The following SIRT4 variants were observed in gnomAD, a reference collection of about 807,000 sequenced individuals.
The protein encoded by SIRT4 is NAD-dependent protein lipoamidase sirtuin-4, mitochondrial.
Under a neutral mutation model 26.1 loss-of-function variants are expected in SIRT4, and 23 were observed. That is an observed-to-expected ratio of 0.88 (90% CI 0.63 to 1.25). SIRT4 has a LOEUF of 1.25. SIRT4 is among the 50% of genes most tolerant of loss of function. SIRT4 has a pLI of 0.00. For missense variants in SIRT4, 361 were observed against 405.4 expected (o/e 0.89, Z 0.94); for synonymous variants, 155 against 158.4 (o/e 0.98, Z 0.16).
upstream of SIRT4, among the ~76,000 whole-genome samples, chr12:120,301,134 C>T (rs1872527279): frequency 6.6e-6 from 1 of 152,122 alleles, no homozygotes; most frequent in South Asian, 2.1e-4. Context: ...ATCACGAGGT[C>T]AGGAGATCAA....
At chr12:120,301,177 T>G (rs950804318), upstream of SIRT4, among the ~76,000 whole-genome samples, 2 of 151,996 alleles carry the variant, frequency 1.3e-5, no homozygotes, top group Non-Finnish European at 2.9e-5. Context: ...AAACCTTGTC[T>G]CTACTAAAAA....
upstream of SIRT4, among the ~76,000 whole-genome samples, chr12:120,299,119 GCTGAGGCAGGA>G (rs1244783951): frequency 2.0e-5 from 3 of 149,538 alleles, no homozygotes; most frequent in Non-Finnish European, 4.4e-5. Flanking sequence ...TAGTCCGGAG[GCTGAGGCAGGA>G]GAATCGCGTG....
At chr12:120,296,060 C>G in the SIRT4 span, among the ~76,000 whole-genome samples, 2 of 108,044 alleles carry the variant, frequency 1.9e-5, no homozygotes, top group East Asian at 6.6e-4. Context: ...GTAATCCAGC[C>G]TGGGTGACAA....
chr12:120,292,986 C>T, the SIRT4 span: 5 of 152,190 alleles, frequency 3.3e-5, no homozygotes, highest in Middle Eastern at 3.4e-3. Context: ...TAAGACACTT[C>T]CCCATCTCTC....
upstream of SIRT4, among the ~76,000 whole-genome samples, chr12:120,297,986 G>C (rs1872393144): frequency 6.6e-6 from 1 of 151,814 alleles, no homozygotes; most frequent in Non-Finnish European, 1.5e-5. Context: ...AGAAAGGGCT[G>C]TCAGTGGCTG....
chr12:120,304,821 ATATATATATATATATTTTTTTTTTTT>A (rs1480634366), intron 2 of SIRT4, among the ~76,000 whole-genome samples: 42 of 7,044 alleles, frequency 6.0e-3, no homozygotes, highest in Non-Finnish European at 5.7e-3. Flanking sequence ...ATATATATAT[ATATATATATATATATTTTTTTTTTTT>A]TTTTTTTTTT....
chr12:120,304,847 T>A (rs1485328330), intron 2 of SIRT4, among the ~76,000 whole-genome samples: 148 of 112,408 alleles, frequency 1.3e-3, no homozygotes, highest in African/African-American at 3.5e-3. Context: ...TTTTTTTTTT[T>A]TTTTTTTTTT....
upstream of SIRT4, among the ~76,000 whole-genome samples, chr12:120,301,442 A>G (rs1394496522): frequency 6.6e-6 from 1 of 152,256 alleles, no homozygotes; most frequent in Non-Finnish European, 1.5e-5. Context: ...GTATTTTACC[A>G]ATAGCAAATA....
chr12:120,312,970 T>C lies in SIRT4; in HGVS notation c.879T>C (p.Asp293=), dbSNP rs1873053411. The C allele has an allele frequency of 6.2e-7, 1 of 1,614,158 alleles. No individual in the cohort carries two copies. The highest frequency in any genetic ancestry group is 8.5e-7 in the Non-Finnish European group (1 of 1,180,036). The part of the protein sequence containing the change: ...AILNIGPTRS[D]DLACLKLNSR... ...TGAACATTGGGCCCACACGGTCGGA[T>C]GACTTGGCGTGTCTGAAACTGAATT... The change falls in exon 4 of 4, where the codon GAT becomes GAC. Residue 293 remains aspartate (D), a synonymous_variant. Coordinates refer to ENST00000202967, the MANE Select transcript of SIRT4 (RefSeq NM_012240.3).
rs546233791 is a variant in SIRT4 at position 120,312,491 on chromosome 12, G to A, written c.533G>A (p.Arg178Gln). 2.2e-5 allele frequency: 36 copies of A among 1,613,682 alleles called. No individual in the cohort carries two copies. The highest frequency in any genetic ancestry group is 8.0e-5 in the African/African-American group (6 of 74,986). The change falls in exon 3 of 4, where the codon CGG becomes CAG. Residue 178 changes from arginine (R) to glutamine (Q), a missense_variant. Arg to Gln is a conservative substitution (Grantham distance 43). Coordinates refer to ENST00000202967, the MANE Select transcript of SIRT4 (RefSeq NM_012240.3). ...TTGGATTGTGGGGAACAGACTCCCC[G>A]GGGGGTGCTGCAAGAGCGTTTCCAA... ...LCLDCGEQTPRGVLQERFQVL... is the reference protein window; with the variant it reads ...LCLDCGEQTPQGVLQERFQVL...
At chr12:120,308,926 T>C (rs1872848633) in intron 2 of SIRT4, among the ~76,000 whole-genome samples, 1 of 152,000 alleles carries the variant, frequency 6.6e-6, no homozygotes, top group Non-Finnish European at 1.5e-5. Context: ...TCTCAGCACT[T>C]TGGGATGCCG....
intron 2 of SIRT4, among the ~76,000 whole-genome samples, chr12:120,306,062 G>A (rs2136833856): frequency 6.6e-6 from 1 of 152,112 alleles, no homozygotes; most frequent in South Asian, 2.1e-4. Context: ...AGGGTGCTGT[G>A]GTTCATATCT....
At chr12:120,311,735 CAAAAAAAAAAAAAAAA>C (rs10612543) in intron 2 of SIRT4, among the ~76,000 whole-genome samples, 1 of 55,076 alleles carries the variant, frequency 1.8e-5, no homozygotes, top group African/African-American at 8.4e-5. Context: ...AACTTGCTCT[CAAAAAAAAAAAAAAAA>C]AAAAAAAAAA....
the SIRT4 span, among the ~76,000 whole-genome samples, chr12:120,297,164 A>G: frequency 2.6e-5 from 4 of 152,072 alleles, no homozygotes; most frequent in Non-Finnish European, 5.9e-5. Context: ...CGGAGGTTGC[A>G]GTGAGCCTAG....
upstream of SIRT4, among the ~76,000 whole-genome samples, chr12:120,298,395 C>T (rs1399372476): frequency 6.6e-6 from 1 of 151,908 alleles, no homozygotes; most frequent in Non-Finnish European, 1.5e-5. Context: ...GAGTTCGAGA[C>T]CAGCCTGGGC....
upstream of SIRT4, among the ~76,000 whole-genome samples, chr12:120,298,875 C>G (rs181919636): frequency 7.4e-5 from 11 of 149,184 alleles, no homozygotes; most frequent in African/African-American, 2.7e-4. Flanking sequence ...CCACTGCACT[C>G]CAGCCTGGGC....
At chr12:120,309,765 G>C (rs1013074248) in intron 2 of SIRT4, among the ~76,000 whole-genome samples, 22 of 147,388 alleles carry the variant, frequency 1.5e-4, no homozygotes, top group African/African-American at 5.3e-4. Context: ...ACCTAGGCTG[G>C]AGTACAATGG....
rs1209973720 is a variant in SIRT4 at position 120,302,330 on chromosome 12, A to G, written c.-50A>G. 6.6e-6 allele frequency: 1 copy of G among 152,190 alleles called. No individual in the cohort carries two copies. The highest frequency in any genetic ancestry group is 1.5e-5 in the Non-Finnish European group (1 of 68,046). The allele number at this position is 152,190 out of a possible 1,614,324, so 9.4% of individuals were successfully genotyped here. A position where few individuals can be genotyped will look rare whatever the true frequency, so the allele number is the denominator to read the frequency against. On this transcript the variant is annotated 5_prime_UTR_variant, in exon 1 of 4. Transcript: ENST00000202967. ...CTACATGTCCCAAAATGCAAATGCA[A>G]TCAGACGGTCCCACTGTGGGGTGTG...
chr12:120,310,578 G>C (rs1948924948), intron 2 of SIRT4, among the ~76,000 whole-genome samples: 1 of 151,668 alleles, frequency 6.6e-6, no homozygotes, highest in South Asian at 2.1e-4. Flanking sequence ...GAACTAAAAG[G>C]AGAAAAATGA....
Sources: allele counts gnomAD v4.1 joint callset (sites outside exome capture counted in the v4.1 genomes callset), GRCh38; gene constraint gnomAD v4.1.1; transcripts MANE v1.5; gene names NCBI Gene and HGNC (gene_info 2026-07-23, HGNC 2026-07-21).